Variants in WHAMM observed in about 807,000 individuals in gnomAD.
WHAMM encodes WASP homolog-associated protein with actin, membranes and microtubules.
WHAMM carries 67 observed loss-of-function variants against 76.5 expected under a neutral mutation model. The ratio of observed to expected loss-of-function variants is 0.88; its 90% CI spans 0.72 to 1.07. The LOEUF (loss-of-function observed/expected upper bound fraction) is 1.07. WHAMM is among the 50% of genes least tolerant of loss of function. WHAMM has a pLI of 0.00. For missense variants in WHAMM, 1,021 were observed against 1,051.1 expected (o/e 0.97, Z 0.40); for synonymous variants, 419 against 422.1 (o/e 0.99, Z 0.09).
At chr15:82,831,126 G>A (rs775056150) in intron 9 of WHAMM, 47 bp downstream of exon 9, 4 of 1,572,194 alleles carry the variant, frequency 2.5e-6, no homozygotes, top group Non-Finnish European at 3.4e-6. Context: ...TTGTTAAGCT[G>A]TTGAAGCATT....
intron 8 of WHAMM, among the ~76,000 whole-genome samples, chr15:82,829,934 GAAT>G (rs2050998780): frequency 6.6e-6 from 1 of 152,092 alleles, no homozygotes; most frequent in Non-Finnish European, 1.5e-5. Flanking sequence ...TATATCAAAT[GAAT>G]ACCTGAAAGA....
chr15:82,813,567 TGAA>T (rs1018523792), intron 2 of WHAMM, among the ~76,000 whole-genome samples: 1 of 151,060 alleles, frequency 6.6e-6, no homozygotes, highest in Non-Finnish European at 1.5e-5. Flanking sequence ...TGATAGAAAA[TGAA>T]GACATTTACG....
chr15:82,832,127 T>C (rs1399273602), intron 9 of WHAMM, among the ~76,000 whole-genome samples: 1 of 152,212 alleles, frequency 6.6e-6, no homozygotes, highest in Admixed American at 6.5e-5. Flanking sequence ...TGGGCAGATC[T>C]TTGTGGGGTG....
intron 9 of WHAMM, among the ~76,000 whole-genome samples, chr15:82,832,452 G>A (rs183879549): frequency 7.0e-4 from 106 of 152,268 alleles, no homozygotes; most frequent in African/African-American, 2.5e-3. Context: ...TCCAGCAGGC[G>A]ATAAAAGATT....
chr15:82,834,038 C>CTT lies in WHAMM; in HGVS notation c.*511_*512dup, dbSNP rs533547634. On this transcript the variant is annotated 3_prime_UTR_variant, in exon 10 of 10. Coordinates refer to ENST00000286760, the MANE Select transcript of WHAMM (RefSeq NM_001080435.3). ...ACAGGTGTGAGCCACCACGCCCAGC[C>CTT]TTTTTTTTTTCTTTCTTTTGAGACA... 315 of 150,658 alleles carry CTT rather than the reference C, an allele frequency of 2.1e-3. 1 individual carries two copies. Among genetic ancestry groups the CTT allele is most frequent in the African/African-American group, 7.3e-3 (294 of 40,412 alleles). 9.3% of individuals were successfully genotyped at this position (150,658 alleles called of 1,614,324 possible). A position where few individuals can be genotyped will look rare whatever the true frequency, so the allele number is the denominator to read the frequency against.
chr15:82,825,654 G>C (rs2050917782), intron 6 of WHAMM, among the ~76,000 whole-genome samples: 1 of 152,102 alleles, frequency 6.6e-6, no homozygotes, highest in African/African-American at 2.4e-5. Context: ...TGATAGGCTA[G>C]TGCGGCACCC....
intron 1 of WHAMM, 188 bp downstream of exon 1, chr15:82,810,523 G>T: frequency 2.0e-6 from 2 of 985,468 alleles, no homozygotes; most frequent in Non-Finnish European, 2.4e-6. Context: ...GGAGCTGCGG[G>T]AGGGTCTGCA....
In WHAMM at chr15:82,816,853, A is replaced by T. The variant is rs1452919620; in HGVS notation, c.934+11A>T. On this transcript the variant is annotated intron_variant, in intron 3 of 9. Coordinates refer to ENST00000286760, the MANE Select transcript of WHAMM (RefSeq NM_001080435.3). ...TAAAAGCATTAGCAGGTGATAATTT[A>T]AAAAATGCTATATGAAGATACATGT... The T allele has an allele frequency of 3.2e-6, 5 of 1,549,290 alleles. No homozygotes were observed. The African/African-American group carries it at 4.1e-5, about 13-fold the overall frequency.
At position 82,833,737 on chromosome 15, in the gene WHAMM, T is replaced by G; in HGVS notation, c.*201T>G. The G allele has an allele frequency of 1.7e-6, 1 of 589,574 alleles. No homozygotes were observed. Among genetic ancestry groups the G allele is most frequent in the African/African-American group, 1.9e-5 (1 of 53,700 alleles). 36.5% of individuals were successfully genotyped at this position (589,574 alleles called of 1,614,324 possible). On this transcript the variant is annotated 3_prime_UTR_variant, in exon 10 of 10. Transcript: ENST00000286760. The stretch of plus-strand genomic sequence containing the variant: ...TGGAGTCTCACTCTGTCGCCCAGGC[T>G]GGGGTGCAGTGGCGCCATCTCGGCT...
intron 9 of WHAMM, 45 bp downstream of exon 9, chr15:82,831,124 C>T (rs769428965): frequency 1.8e-5 from 28 of 1,573,958 alleles, no homozygotes; most frequent in Admixed American, 6.9e-5. Context: ...AGTTGTTAAG[C>T]TGTTGAAGCA....
At chr15:82,832,414 T>C (rs2051045267) in intron 9 of WHAMM, among the ~76,000 whole-genome samples, 1 of 152,186 alleles carries the variant, frequency 6.6e-6, no homozygotes, top group African/African-American at 2.4e-5. Context: ...GGAAGATCTC[T>C]AAATTAGTGG....
At position 82,814,870 on chromosome 15, in the gene WHAMM, C is replaced by T. The variant is rs183871570; in HGVS notation, c.783+1594C>T. Among the ~76,000 whole-genome samples, 486 of 142,338 alleles carry T rather than the reference C, an allele frequency of 3.4e-3. 3 individuals carry two copies. Among genetic ancestry groups the T allele is most frequent in the African/African-American group, 0.012 (469 of 38,252 alleles). The allele number at this position is 142,338 out of a possible 152,430, so 93.4% of individuals were successfully genotyped here. A position where few individuals can be genotyped will look rare whatever the true frequency, so the allele number is the denominator to read the frequency against. ...CTGCAACCTCTGCCTCCTGGGTTCACGCCATTCTCCTGCCTAAGCCTCCCG... is the reference window on the plus strand; with the variant it reads ...CTGCAACCTCTGCCTCCTGGGTTCATGCCATTCTCCTGCCTAAGCCTCCCG... On this transcript the variant is annotated intron_variant, in intron 2 of 9. Coordinates refer to ENST00000286760, the MANE Select transcript of WHAMM (RefSeq NM_001080435.3).
intron 1 of WHAMM, chr15:82,810,790 G>A: frequency 9.2e-6 from 9 of 980,986 alleles, no homozygotes; most frequent in Non-Finnish European, 1.1e-5. Flanking sequence ...AGGAGATAGG[G>A]TGTTTTGTTT....
chr15:82,829,154 TGGACAG>T (rs1473803437), intron 8 of WHAMM, among the ~76,000 whole-genome samples: 2 of 152,212 alleles, frequency 1.3e-5, no homozygotes, highest in Non-Finnish European at 2.9e-5. Flanking sequence ...TTATCATGCG[TGGACAG>T]GCTGTATGTG....
At chr15:82,823,003 A>G (rs918351213) in intron 5 of WHAMM, 97 bp from the exon 6 acceptor site, 1 of 1,059,452 alleles carries the variant, frequency 9.4e-7, no homozygotes, top group Admixed American at 3.7e-5. Flanking sequence ...CAGTGGTGGG[A>G]TTACAAGTGA....
chr15:82,815,158 A>G (rs1266334633), intron 2 of WHAMM, among the ~76,000 whole-genome samples: 4 of 64,908 alleles, frequency 6.2e-5, no homozygotes, highest in Non-Finnish European at 9.1e-5. Flanking sequence ...TATATATAGT[A>G]CAATTCAGTG....
chr15:82,816,425 C>T (rs771178883), intron 2 of WHAMM, among the ~76,000 whole-genome samples: 1 of 152,160 alleles, frequency 6.6e-6, no homozygotes, highest in Non-Finnish European at 1.5e-5. Context: ...TGACAACATT[C>T]CTCTCTAGAA....
intron 1 of WHAMM, among the ~76,000 whole-genome samples, chr15:82,811,031 C>T (rs1282979687): frequency 7.9e-5 from 12 of 152,136 alleles, no homozygotes; most frequent in East Asian, 7.7e-4. Context: ...TTAAGGAGAG[C>T]CAGGCTGGAG....
intron 6 of WHAMM, 104 bp downstream of exon 6, chr15:82,823,391 A>G (rs1311524345): frequency 2.9e-6 from 3 of 1,040,162 alleles, no homozygotes; most frequent in Non-Finnish European, 3.8e-6. Context: ...CACAGTGATT[A>G]CATTTTGTGT....
Sources: allele counts gnomAD v4.1 joint callset (sites outside exome capture counted in the v4.1 genomes callset), GRCh38; gene constraint gnomAD v4.1.1; transcripts MANE v1.5; gene names NCBI Gene and HGNC (gene_info 2026-07-23, HGNC 2026-07-21).